Variants in ESR1 observed in about 807,000 individuals in gnomAD.
The protein encoded by ESR1 is estrogen receptor.
ESR1 carries 12 observed loss-of-function variants against 52.7 expected under a neutral mutation model. The ratio of observed to expected loss-of-function variants is 0.23; its 90% CI spans 0.15 to 0.37. ESR1 has a LOEUF of 0.37. ESR1 is among the 10% of genes least tolerant of loss of function. The probability of loss-of-function intolerance (pLI) is 1.00; values close to 1 mark genes in which losing one functional copy is unlikely to be tolerated. For missense variants in ESR1, 584 were observed against 779.7 expected, an observed-to-expected ratio of 0.75 and a Z score of 2.99; for synonymous variants, 305 against 316.8, an observed-to-expected ratio of 0.96 and a Z score of 0.39.
At chr6:151,923,770 T>C (rs1304122080) in intron 3 of ESR1, among the ~76,000 whole-genome samples, 1 of 152,220 alleles carries the variant, frequency 6.6e-6, no homozygotes, top group Non-Finnish European at 1.5e-5. Context: ...GCTCTAAACA[T>C]TTTTGTGCAG....
intron 2 of ESR1, among the ~76,000 whole-genome samples, chr6:151,761,172 T>TAAA (rs560416730): frequency 3.4e-5 from 5 of 146,950 alleles, no homozygotes; most frequent in African/African-American, 1.2e-4. Flanking sequence ...GTCAAAGCAT[T>TAAA]AAAAAAAAAA....
rs1052865809 is a variant in ESR1, at chr6:152,102,088, C to G, written c.*3122C>G. ...ACCCTATCAATGTAGGTTGCAAAAT[C>G]TAACCCCTAAGGAAGTGCAGTCTTT... On this transcript the variant is annotated 3_prime_UTR_variant, in exon 8 of 8. Transcript: ENST00000206249. 1 of 213,340 alleles carries G rather than the reference C, an allele frequency of 4.7e-6. No homozygotes were observed. Among genetic ancestry groups the G allele is most frequent in the African/African-American group, 2.3e-5 (1 of 44,260 alleles). The allele number at this position is 213,340 out of a possible 1,614,324, so 13.2% of individuals were successfully genotyped here.
rs1223565577 is a variant in ESR1, at chr6:151,961,239, G to T, written c.1096+16731G>T. 3.3e-5 allele frequency among the ~76,000 whole-genome samples: 5 copies of T among 152,118 alleles called. No homozygotes were observed. In the East Asian group the frequency reaches 9.7e-4, roughly 29 times the overall value. The stretch of plus-strand genomic sequence containing the variant: ...CAAAGATTGAGCCTTGGGACAGTCA[G>T]AAAGAAGAGAGGGAACCCGCAAAGG... On this transcript the variant is annotated intron_variant, in intron 4 of 7. Coordinates refer to ENST00000206249, the MANE Select transcript of ESR1 (RefSeq NM_000125.4).
chr6:151,700,413 T>C (rs1198455875), intron 1 of ESR1, among the ~76,000 whole-genome samples: 1 of 152,208 alleles, frequency 6.6e-6, no homozygotes, highest in Non-Finnish European at 1.5e-5. Context: ...TTAACTTTAG[T>C]AGAACATAGC....
chr6:151,996,323 C>G (rs1263467418), intron 4 of ESR1, among the ~76,000 whole-genome samples: 4 of 152,098 alleles, frequency 2.6e-5, no homozygotes, highest in Non-Finnish European at 5.9e-5. Flanking sequence ...CTGCTTTAGC[C>G]AGGGGGACCT....
intron 3 of ESR1, among the ~76,000 whole-genome samples, chr6:151,885,929 A>G (rs1012798417): frequency 1.3e-5 from 2 of 152,234 alleles, no homozygotes; most frequent in Non-Finnish European, 2.9e-5. Flanking sequence ...AAATCGTAAC[A>G]TGGGAAAATA....
chr6:151,660,909 C>T (rs1292631696), intron 1 of ESR1, among the ~76,000 whole-genome samples: 1 of 152,142 alleles, frequency 6.6e-6, no homozygotes, highest in Non-Finnish European at 1.5e-5. Context: ...TATGCTGATG[C>T]TTGGGCTCCA....
chr6:151,713,084 T>G (rs1008081006), intron 2 of ESR1, among the ~76,000 whole-genome samples: 1 of 152,222 alleles, frequency 6.6e-6, no homozygotes, highest in African/African-American at 2.4e-5. Flanking sequence ...TTTTTTCATC[T>G]ATTGAGATAA....
At chr6:152,114,853 T>G (rs374270203) in intron 6 of ESR1, among the ~76,000 whole-genome samples, 1 of 120,724 alleles carries the variant, frequency 8.3e-6, no homozygotes, top group East Asian at 2.7e-4. Flanking sequence ...ATCGCGCCAC[T>G]GCACTCCAGC....
At chr6:151,871,284 T>C (rs1790915709) in intron 2 of ESR1, among the ~76,000 whole-genome samples, 1 of 152,120 alleles carries the variant, frequency 6.6e-6, no homozygotes. Context: ...ATATACATAA[T>C]ATGAAATTTA....
At chr6:151,942,983 G>GT (rs1295305750) in intron 3 of ESR1, among the ~76,000 whole-genome samples, 1 of 152,008 alleles carries the variant, frequency 6.6e-6, no homozygotes, top group Non-Finnish European at 1.5e-5. Context: ...CCTTTTTCAG[G>GT]TTAAGGTGCT....
Position 152,015,523 on chromosome 6 carries a change from G to A in ESR1, c.1235+3729G>A, listed in dbSNP as rs77075800. Among the ~76,000 whole-genome samples the A allele has an allele frequency of 5.1e-3, 774 of 152,138 alleles. 5 individuals are homozygous for A. The highest frequency in any genetic ancestry group is 0.016 in the African/African-American group (682 of 41,506). ...TGTGGTCAAAAACCAGATCTTGTTC[G>A]TCTTGTGTGATCTCCAGTTTACGAA... is the stretch of plus-strand genomic sequence containing the variant. On this transcript the variant is annotated intron_variant, in intron 5 of 7. Transcript: ENST00000206249.
upstream of ESR1, among the ~76,000 whole-genome samples, chr6:151,803,619 A>G (rs1405153146): frequency 3.3e-5 from 5 of 152,114 alleles, no homozygotes; most frequent in East Asian, 9.6e-4. Context: ...CAAGAAAGTA[A>G]ACAGGTTGCA....
chr6:151,825,580 A>G (rs1162117438), intron 1 of ESR1, among the ~76,000 whole-genome samples: 1 of 152,142 alleles, frequency 6.6e-6, no homozygotes, highest in Non-Finnish European at 1.5e-5. Flanking sequence ...GTCACGATGG[A>G]AGGCATGTTT....
At chr6:152,044,683 C>T (rs990418425) in intron 5 of ESR1, among the ~76,000 whole-genome samples, 1 of 152,194 alleles carries the variant, frequency 6.6e-6, no homozygotes, top group African/African-American at 2.4e-5. Flanking sequence ...CAGGAAGCAT[C>T]CAGCACAGGA....
chr6:151,738,881 C>T (rs777676991), intron 2 of ESR1, among the ~76,000 whole-genome samples: 2 of 152,116 alleles, frequency 1.3e-5, no homozygotes, highest in African/African-American at 2.4e-5. Context: ...TGGGAGTTGT[C>T]CCCTAAGGAA....
intron 2 of ESR1, among the ~76,000 whole-genome samples, chr6:151,754,833 C>T (rs933288863): frequency 2.6e-5 from 4 of 152,214 alleles, no homozygotes; most frequent in African/African-American, 9.7e-5. Flanking sequence ...TCCCTTTCTC[C>T]TTGAACTCTA....
At chr6:152,113,231 T>G (rs1013892203) in intron 6 of ESR1, 1 of 152,248 alleles carries the variant, frequency 6.6e-6, no homozygotes, top group Non-Finnish European at 1.5e-5. Flanking sequence ...TACAATTCTT[T>G]GAAAATATAA....
At chr6:151,739,374 G>C (rs968192219) in intron 2 of ESR1, among the ~76,000 whole-genome samples, 1 of 152,142 alleles carries the variant, frequency 6.6e-6, no homozygotes, top group Non-Finnish European at 1.5e-5. Context: ...ATTTATATCA[G>C]GGTACAGGTT....
Sources: allele counts gnomAD v4.1 joint callset (sites outside exome capture counted in the v4.1 genomes callset), GRCh38; gene constraint gnomAD v4.1.1; transcripts MANE v1.5; gene names NCBI Gene and HGNC (gene_info 2026-07-23, HGNC 2026-07-21).